Variants in BRI3 observed in about 807,000 individuals in gnomAD.
BRI3 encodes brain protein I3.
Under a neutral mutation model 12.8 loss-of-function variants are expected in BRI3, and 6 were observed. That is an observed-to-expected ratio of 0.47 (90% CI 0.26 to 0.93). BRI3 has a LOEUF of 0.93. Among genes scored for constraint, BRI3 ranks in the 40% least tolerant of loss-of-function variants. The pLI is 0.15. For missense variants in BRI3, 134 were observed against 171.1 expected (o/e 0.78, Z 1.21); for synonymous variants, 91 against 76.1 (o/e 1.20, Z -1.02).
At chr7:98,310,174 T>C in exon 2 of BRI3, 1 of 373,108 alleles carries the variant, frequency 2.7e-6, no homozygotes, top group Non-Finnish European at 4.8e-6. Context: ...AAATAGATAA[T>C]TCTCAACAGT....
At chr7:98,306,614 C>CCCA in exon 1 of BRI3, 1 of 1,562,194 alleles carries the variant, frequency 6.4e-7, no homozygotes, top group Non-Finnish European at 8.8e-7. Flanking sequence ...GACAGGTCCA[C>CCCA]TGCTCCAGAA....
rs750881831 is a variant in BRI3, at chr7:98,291,082, G to A, written c.246-29G>A. ...TTCTGGCTGCCCGGGTCCTTACGGT[G>A]CCACCCTCTCTGCCCGTCTCTGCTG... On this transcript the variant is annotated intron_variant, in intron 2 of 2. Transcript: ENST00000297290. 5.0e-6 allele frequency: 8 copies of A among 1,613,566 alleles called. No individual in the cohort carries two copies. The South Asian group carries it at 5.5e-5, about 11-fold the overall frequency.
At chr7:98,304,203 G>A (rs144083350), upstream of BRI3, 347 of 1,593,694 alleles carry the variant, frequency 2.2e-4, no homozygotes, top group East Asian at 2.0e-3. Context: ...CACAGGAGCC[G>A]CGGTCTCGGG....
chr7:98,290,178 GTTGTT>G lies in BRI3; in HGVS notation c.246-930_246-926del, dbSNP rs1253256336. 3.8e-4 allele frequency among the ~76,000 whole-genome samples: 35 copies of G among 92,306 alleles called. No homozygotes were observed. In the South Asian group the frequency reaches 4.7e-3, roughly 12 times the overall value. The allele number at this position is 92,306 out of a possible 152,430, so 60.6% of individuals were successfully genotyped here. ...CACCAAAATGATCATGCCTCTCAAG[GTTGTT>G]TTTTTTTTTTTTTTTTTTTTTTTGA... is the stretch of plus-strand genomic sequence containing the variant. On this transcript the variant is annotated intron_variant, in intron 2 of 2. Transcript: ENST00000297290.
rs760408911 is a variant in BRI3, at chr7:98,282,335, G to C, written c.143-16G>C. 6.2e-7 allele frequency: 1 copy of C among 1,605,042 alleles called. No homozygotes were observed. The highest frequency in any genetic ancestry group is 2.2e-5 in the East Asian group (1 of 44,816). ...TCTCCTCCCTGCACCCTAATGACCTGCTTTCCCGCCCACAGGGATACCCAC... is the reference window on the plus strand; with the variant it reads ...TCTCCTCCCTGCACCCTAATGACCTCCTTTCCCGCCCACAGGGATACCCAC... On this transcript the variant is annotated splice_polypyrimidine_tract_variant and intron_variant, in intron 1 of 2. Transcript: ENST00000297290.
intron 2 of BRI3, among the ~76,000 whole-genome samples, chr7:98,285,393 G>A (rs1044487447): frequency 1.1e-4 from 17 of 152,194 alleles, no homozygotes; most frequent in African/African-American, 3.9e-4. Flanking sequence ...CCTACCACCT[G>A]TGACCTGGAA....
upstream of BRI3, chr7:98,306,520 C>G: frequency 6.2e-7 from 1 of 1,614,154 alleles, no homozygotes; most frequent in Non-Finnish European, 8.5e-7. Flanking sequence ...ACCCCTCCTA[C>G]CGGCAAAGAG....
chr7:98,298,183 G>A (rs1333971951), intron 1 of BRI3, among the ~76,000 whole-genome samples: 1 of 152,218 alleles, frequency 6.6e-6, no homozygotes, highest in Non-Finnish European at 1.5e-5. Context: ...CTAATAAGAC[G>A]CGCCGTCACA....
At chr7:98,315,627 AT>A in the BRI3 span, 243 of 1,005,326 alleles carry the variant, frequency 2.4e-4, no homozygotes, top group Admixed American at 4.7e-3. Flanking sequence ...AAAAAAAAAA[AT>A]AATAATAATA....
chr7:98,294,148 A>C (rs760919152), downstream of BRI3: 20 of 1,607,698 alleles, frequency 1.2e-5, no homozygotes, highest in Non-Finnish European at 1.7e-5. Flanking sequence ...GAGGGCTTAG[A>C]ATTGGTCTTT....
the BRI3 span, chr7:98,315,625 A>ATAAG: frequency 8.8e-7 from 1 of 1,130,960 alleles, no homozygotes; most frequent in Non-Finnish European, 1.2e-6. Context: ...AAAAAAAAAA[A>ATAAG]AATAATAATA....
At chr7:98,287,143 C>A (rs1051255174) in intron 2 of BRI3, among the ~76,000 whole-genome samples, 1 of 152,260 alleles carries the variant, frequency 6.6e-6, no homozygotes, top group African/African-American at 2.4e-5. Context: ...CCTGAGCCTC[C>A]TGGGACAGCT....
chr7:98,311,016 G>C (rs1800849257), downstream of BRI3, among the ~76,000 whole-genome samples: 1 of 152,088 alleles, frequency 6.6e-6, no homozygotes, highest in Non-Finnish European at 1.5e-5. Flanking sequence ...TGGGCAGAAA[G>C]AGTGGATCCA....
chr7:98,294,045 C>T (rs1303138950), downstream of BRI3: 3 of 1,612,180 alleles, frequency 1.9e-6, no homozygotes, highest in South Asian at 2.2e-5. Flanking sequence ...ATGTCACACA[C>T]TGAGGCTCAC....
chr7:98,283,911 C>T (rs1402752822), intron 2 of BRI3, among the ~76,000 whole-genome samples: 2 of 152,190 alleles, frequency 1.3e-5, no homozygotes, highest in African/African-American at 4.8e-5. Flanking sequence ...TGGGGGGCGC[C>T]GAGGTGGTGG....
chr7:98,322,064 C>A, the BRI3 span, among the ~76,000 whole-genome samples: 1 of 152,266 alleles, frequency 6.6e-6, no homozygotes, highest in East Asian at 1.9e-4. Context: ...CCACTGCACT[C>A]CAGCCTGGGT....
chr7:98,290,967 G>T (rs1242129788), intron 2 of BRI3, 144 bp from the exon 3 acceptor site: 3 of 715,670 alleles, frequency 4.2e-6, no homozygotes, highest in Admixed American at 2.7e-5. Context: ...GTGGTGGGGT[G>T]GGGGGCTGTT....
chr7:98,306,956 C>T (rs1035734805), intron 1 of BRI3: 1 of 167,480 alleles, frequency 6.0e-6, no homozygotes, highest in African/African-American at 2.4e-5. Flanking sequence ...TTTAATACAT[C>T]TGAACAATCT....
chr7:98,290,904 C>T (rs1265979620), intron 2 of BRI3, among the ~76,000 whole-genome samples: 1 of 152,198 alleles, frequency 6.6e-6, no homozygotes, highest in Non-Finnish European at 1.5e-5. Context: ...ATTCCATGAA[C>T]GGGTACGTGC....
Sources: gnomAD v4.1 joint callset for allele counts (sites outside exome capture counted in the v4.1 genomes callset) on GRCh38, gnomAD v4.1.1 for gene constraint, MANE v1.5 for transcripts, NCBI Gene and HGNC (gene_info 2026-07-23, HGNC 2026-07-21) for gene names.